The following WASHC2C variants were observed in gnomAD, a reference collection of about 807,000 sequenced individuals.
The protein encoded by WASHC2C is Vaccinia Penetration Factor.
WASHC2C carries 73 observed loss-of-function variants against 142.2 expected under a neutral mutation model. The observed-to-expected ratio is 0.51, with a 90% CI of 0.43 to 0.62. WASHC2C has a LOEUF of 0.62. WASHC2C is among the 20% of genes least tolerant of loss of function. The probability of loss-of-function intolerance (pLI) is 0.00; values close to 1 mark genes in which losing one functional copy is unlikely to be tolerated. For missense variants in WASHC2C, 969 were observed against 1,531.7 expected (o/e 0.63, Z 6.13); for synonymous variants, 337 against 565.5 (o/e 0.60, Z 5.73).
chr10:45,739,886 TTG>T (rs2051784440), intron 4 of WASHC2C, among the ~76,000 whole-genome samples, 185 bp from the exon 5 acceptor site: 1 of 149,626 alleles, frequency 6.7e-6, no homozygotes, highest in Non-Finnish European at 1.5e-5. Flanking sequence ...AGGGGCAAAC[TTG>T]GGATTTAAAA....
Position 45,750,177 on chromosome 10 carries a change from A to G in WASHC2C, c.814A>G (p.Ile272Val). ...FADSEKEEEDIEDIEENTRPK... is the reference protein window; with the variant it reads ...FADSEKEEEDVEDIEENTRPK... ...TGACTCTGAGAAGGAGGAGGAAGAT[A>G]TTGAGGACATTGAAGAAAATACTAG... is the stretch of plus-strand genomic sequence containing the variant. Residue 272 changes from isoleucine (I) to valine (V), a missense_variant, in exon 9 of 31, where the codon ATT (isoleucine) becomes GTT (valine). Physicochemically the swap from Ile to Val is conservative, Grantham distance 29. Transcript: ENST00000623400. The G allele has an allele frequency of 6.2e-7, 1 of 1,611,338 alleles. No homozygotes were observed. Among genetic ancestry groups the G allele is most frequent in the Non-Finnish European group, 8.5e-7 (1 of 1,179,708 alleles).
At position 45,750,112 on chromosome 10, in the gene WASHC2C, G is replaced by T. The variant is rs1554873530; in HGVS notation, c.749G>T (p.Ser250Ile). ...TACTCTTAGCACACCACACAAATGA[G>T]TGATGAGGAAGAGGATGATGATGGC... ...NEQNQHTTQM[S>I]DEEEDDDGCD... The change falls in exon 9 of 31, where the codon AGT (serine) becomes ATT (isoleucine). Residue 250 changes from serine to isoleucine, a missense_variant. Ser to Ile is a moderately radical substitution (Grantham distance 142). Transcript: ENST00000623400. 6.2e-7 allele frequency: 1 copy of T among 1,610,986 alleles called. No individual in the cohort carries two copies. The highest frequency in any genetic ancestry group is 8.5e-7 in the Non-Finnish European group (1 of 1,179,652).
At chr10:45,773,581 G>A (rs1345231178) in intron 21 of WASHC2C, among the ~76,000 whole-genome samples, 2 of 152,298 alleles carry the variant, frequency 1.3e-5, no homozygotes, top group Admixed American at 6.5e-5. Context: ...CAAGGAACTG[G>A]GTCTCAGAAG....
intron 29 of WASHC2C, among the ~76,000 whole-genome samples, chr10:45,789,803 G>A (rs1245303836): frequency 6.6e-6 from 1 of 152,096 alleles, no homozygotes; most frequent in East Asian, 1.9e-4. Flanking sequence ...GCCACTCGGT[G>A]ACATGGCATA....
intron 19 of WASHC2C, among the ~76,000 whole-genome samples, chr10:45,766,716 C>T (rs1554882559): frequency 6.7e-6 from 1 of 148,968 alleles, no homozygotes; most frequent in Non-Finnish European, 1.5e-5. Context: ...ACTACCAAAT[C>T]AGTTAGTTTA....
chr10:45,751,937 A>G (rs1402451112), intron 11 of WASHC2C, among the ~76,000 whole-genome samples: 2 of 152,206 alleles, frequency 1.3e-5, no homozygotes, highest in African/African-American at 4.8e-5. Flanking sequence ...TGATCGCGCC[A>G]CTGCATTCCA....
Position 45,755,016 on chromosome 10 carries a change from A to T in WASHC2C, c.1321A>T (p.Ser441Cys), listed in dbSNP as rs782046291. 1.1e-5 allele frequency: 17 copies of T among 1,611,760 alleles called. No individual in the cohort carries two copies. Residue 441 changes from serine to cysteine, a missense_variant, in exon 15 of 31, where the codon AGC becomes TGC. By Grantham distance (112) the Ser-to-Cys change is moderately radical (BLOSUM62 -1). Coordinates refer to ENST00000623400, the MANE Select transcript of WASHC2C (RefSeq NM_001330074.2). ...QKPEQPTPRK[S>C]PYGPPPTGLF... Reference sequence around the variant, plus strand: ...GCCTGAGCAGCCCACTCCAAGGAAAAGCCCCTATGGTCCCCCTCCCACTGG... The same window carrying T: ...GCCTGAGCAGCCCACTCCAAGGAAATGCCCCTATGGTCCCCCTCCCACTGG...
chr10:45,784,252 G>GTGTATATATA (rs1554888863), intron 23 of WASHC2C, among the ~76,000 whole-genome samples: 22 of 40,696 alleles, frequency 5.4e-4, no homozygotes, highest in African/African-American at 1.2e-3. Context: ...GTGTGTGTGT[G>GTGTATATATA]TATATATATA....
At chr10:45,787,976 C>T (rs541220206) in intron 28 of WASHC2C, among the ~76,000 whole-genome samples, 1 of 152,364 alleles carries the variant, frequency 6.6e-6, no homozygotes, top group African/African-American at 2.4e-5. Context: ...CTCTAGAAAG[C>T]TTTAACTGAT....
chr10:45,764,628 C>A (rs1428746176), intron 18 of WASHC2C, among the ~76,000 whole-genome samples: 1 of 151,944 alleles, frequency 6.6e-6, no homozygotes, highest in Non-Finnish European at 1.5e-5. Context: ...CAGTACTGGG[C>A]GGTGGTGAGC....
chr10:45,737,929 T>C, intron 3 of WASHC2C, 54 bp from the exon 4 acceptor site: 1 of 1,611,864 alleles, frequency 6.2e-7, no homozygotes, highest in Non-Finnish European at 8.5e-7. Context: ...TATATTGTGA[T>C]TTATTTCCAA....
At chr10:45,784,400 AAT>A (rs2057873384) in intron 23 of WASHC2C, among the ~76,000 whole-genome samples, 163 bp from the exon 24 acceptor site, 1 of 139,442 alleles carries the variant, frequency 7.2e-6, no homozygotes, top group African/African-American at 2.6e-5. Flanking sequence ...CCATTTTGTC[AAT>A]GTTTCATTCC....
At chr10:45,784,287 T>TACACACAC (rs1184044056) in intron 23 of WASHC2C, among the ~76,000 whole-genome samples, 1 of 8,518 alleles carries the variant, frequency 1.2e-4, no homozygotes, top group African/African-American at 2.3e-4. Flanking sequence ...TATATATATA[T>TACACACAC]ATACACATAT....
At chr10:45,769,365 G>T (rs559206873) in intron 19 of WASHC2C, 84 bp from the exon 20 acceptor site, 1 of 1,457,692 alleles carries the variant, frequency 6.9e-7, no homozygotes, top group Non-Finnish European at 9.3e-7. Flanking sequence ...TGATTCACCC[G>T]CCTCGGCCTC....
chr10:45,786,471 A>G (rs2058050800), intron 26 of WASHC2C, 141 bp from the exon 27 acceptor site: 4 of 927,368 alleles, frequency 4.3e-6, no homozygotes, highest in Non-Finnish European at 7.0e-6. Flanking sequence ...ATCAGGCCCC[A>G]GGAGAGATTT....
intron 13 of WASHC2C, among the ~76,000 whole-genome samples, chr10:45,753,756 A>G (rs1435471155): frequency 1.4e-5 from 2 of 147,750 alleles, no homozygotes; most frequent in Non-Finnish European, 3.0e-5. Context: ...GCAAAATGCT[A>G]GGAATACAGG....
chr10:45,764,573 G>C (rs1554881457), intron 18 of WASHC2C, among the ~76,000 whole-genome samples: 1 of 150,608 alleles, frequency 6.6e-6, no homozygotes, highest in Non-Finnish European at 1.5e-5. Flanking sequence ...AGCACAGTGG[G>C]GAAGAGAAAT....
chr10:45,749,928 G>T (rs2053393273), intron 8 of WASHC2C, among the ~76,000 whole-genome samples, 168 bp from the exon 9 acceptor site: 1 of 138,508 alleles, frequency 7.2e-6, no homozygotes, highest in Non-Finnish European at 1.5e-5. Context: ...AGTAAATCTT[G>T]TGTATTATTT....
At chr10:45,751,080 A>G (rs1425765668) in intron 10 of WASHC2C, among the ~76,000 whole-genome samples, 1 of 152,168 alleles carries the variant, frequency 6.6e-6, no homozygotes, top group East Asian at 1.9e-4. Flanking sequence ...CCCTTTACAT[A>G]TAATTTCAGG....
Sources: allele counts gnomAD v4.1 joint callset (sites outside exome capture counted in the v4.1 genomes callset), GRCh38; gene constraint gnomAD v4.1.1; transcripts MANE v1.5; gene names NCBI Gene and HGNC (gene_info 2026-07-23, HGNC 2026-07-21).